Variants in ANKRD30A observed in about 807,000 individuals in gnomAD.
The protein encoded by ANKRD30A is ankyrin repeat domain 30A.
A neutral mutation model predicts 166.3 loss-of-function variants in ANKRD30A; 170 were observed. The observed-to-expected ratio is 1.02, with a 90% confidence interval of 0.90 to 1.16. The LOEUF is 1.16. ANKRD30A is among the 50% of genes most tolerant of loss of function. ANKRD30A has a pLI of 0.00. For synonymous variants in ANKRD30A, 564 were observed against 508.9 expected (o/e 1.11, Z -1.46); for missense variants, 1,630 against 1,518.0 (o/e 1.07, Z -1.23).
At chr10:37,251,448 G>T in the ANKRD30A span, among the ~76,000 whole-genome samples, 19 of 152,216 alleles carry the variant, frequency 1.2e-4, no homozygotes, top group East Asian at 2.5e-3. Flanking sequence ...CTAACACAGG[G>T]TCACCTTCAG....
At chr10:37,173,329 AC>A (rs2132626411) in intron 21 of ANKRD30A, among the ~76,000 whole-genome samples, 1 of 106,318 alleles carries the variant, frequency 9.4e-6, no homozygotes, top group Non-Finnish European at 2.0e-5. Flanking sequence ...ATAACTATGT[AC>A]CTTTCCAAAG....
intron 21 of ANKRD30A, among the ~76,000 whole-genome samples, chr10:37,171,903 C>T (rs1182328678): frequency 2.1e-5 from 3 of 144,244 alleles, no homozygotes; most frequent in Non-Finnish European, 4.6e-5. Flanking sequence ...TTCTCCACGG[C>T]TTCACATGCT....
chr10:37,133,970 T>G lies in ANKRD30A; in HGVS notation c.672T>G (p.Leu224=). 2 of 1,614,152 alleles carry G rather than the reference T, an allele frequency of 1.2e-6. No homozygotes were observed. Among genetic ancestry groups the G allele is most frequent in the Non-Finnish European group, 8.5e-7 (1 of 1,179,990 alleles). The change falls in exon 5 of 36, where the codon CTT becomes CTG. Residue 224 remains leucine, a synonymous_variant. Transcript: ENST00000361713. ...CHGSSEIVGM[L]LQQNVDVFAA... is the part of the protein sequence containing the mutation. ...GATCATCAGAGATAGTTGGCATGCT[T>G]CTTCAGCAAAATGTTGACGTCTTTG...
At chr10:37,260,334 A>G in the ANKRD30A span, among the ~76,000 whole-genome samples, 3 of 152,038 alleles carry the variant, frequency 2.0e-5, no homozygotes, top group South Asian at 6.2e-4. Flanking sequence ...TTCCCTTTTA[A>G]TAAAGTCCTG....
At chr10:37,162,537 T>G (rs1461769148) in intron 15 of ANKRD30A, 112 bp from the exon 16 acceptor site, 2 of 1,386,078 alleles carry the variant, frequency 1.4e-6, no homozygotes, top group Admixed American at 3.4e-5. Flanking sequence ...ATCTAAAGTA[T>G]TCATTCTCCA....
the ANKRD30A span, among the ~76,000 whole-genome samples, chr10:37,256,616 C>A: frequency 6.6e-6 from 1 of 152,126 alleles, no homozygotes; most frequent in Non-Finnish European, 1.5e-5. Flanking sequence ...GAATCTTATT[C>A]ATTTTAAGGC....
intron 27 of ANKRD30A, among the ~76,000 whole-genome samples, chr10:37,193,868 A>G (rs1840815065): frequency 1.3e-5 from 2 of 151,516 alleles, no homozygotes; most frequent in South Asian, 2.1e-4. Context: ...AGCCTGAATT[A>G]GTTCTTGTTG....
At chr10:37,184,155 C>A (rs1840247498) in intron 24 of ANKRD30A, among the ~76,000 whole-genome samples, 1 of 146,998 alleles carries the variant, frequency 6.8e-6, no homozygotes, top group Non-Finnish European at 1.5e-5. Context: ...ATAACAGGGT[C>A]AAGAGAATGC....
At chr10:37,149,573 A>G (rs1837756641) in intron 9 of ANKRD30A, 78 bp from the exon 10 acceptor site, 1 of 1,503,268 alleles carries the variant, frequency 6.7e-7, no homozygotes, top group African/African-American at 1.4e-5. Flanking sequence ...GGAATCAGTT[A>G]CATACTATGA....
chr10:37,231,076 T>C (rs1843390730), intron 34 of ANKRD30A, among the ~76,000 whole-genome samples: 1 of 152,112 alleles, frequency 6.6e-6, no homozygotes, highest in African/African-American at 2.4e-5. Flanking sequence ...TGAAAATATC[T>C]TTGAGGGATA....
At chr10:37,207,935 AAGTAAT>A (rs1477704438) in intron 31 of ANKRD30A, among the ~76,000 whole-genome samples, 3 of 152,162 alleles carry the variant, frequency 2.0e-5, no homozygotes, top group Non-Finnish European at 2.9e-5. Context: ...CAATTAAAGA[AAGTAAT>A]AGTAAAATAT....
chr10:37,142,498 GAACT>G (rs1451408815), intron 7 of ANKRD30A, among the ~76,000 whole-genome samples: 1 of 147,614 alleles, frequency 6.8e-6, no homozygotes, highest in Admixed American at 6.8e-5. Context: ...AATGCTAGAT[GAACT>G]AACTAACAAT....
At chr10:37,247,029 C>T in the ANKRD30A span, among the ~76,000 whole-genome samples, 1 of 152,092 alleles carries the variant, frequency 6.6e-6, no homozygotes, top group Admixed American at 6.6e-5. Flanking sequence ...CTAGAACGTT[C>T]CTCTGTCAAA....
rs41276120 is a variant in ANKRD30A at position 37,142,406 on chromosome 10, G to A, written c.1393+116G>A. The stretch of plus-strand genomic sequence containing the variant: ...TGAATATCTAAATAAGGCGAGCTTA[G>A]GCAACACTTTTTAATAGTATAGGAA... On this transcript the variant is annotated intron_variant, in intron 7 of 35. Transcript: ENST00000361713. The A allele has an allele frequency of 3.0e-3, 2,822 of 938,120 alleles. 9 individuals carry two copies. Among genetic ancestry groups the A allele is most frequent in the Non-Finnish European group, 3.9e-3 (2,461 of 633,710 alleles). 58.1% of individuals were successfully genotyped at this position (938,120 alleles called of 1,614,324 possible). A position where few individuals can be genotyped will look rare whatever the true frequency, so the allele number is the denominator to read the frequency against.
At chr10:37,138,072 A>G (rs918086462) in intron 6 of ANKRD30A, among the ~76,000 whole-genome samples, 7 of 152,146 alleles carry the variant, frequency 4.6e-5, no homozygotes, top group Admixed American at 3.9e-4. Flanking sequence ...CTGTTCACCA[A>G]TATCCGCTCT....
intron 21 of ANKRD30A, among the ~76,000 whole-genome samples, chr10:37,171,988 C>T (rs1457904028): frequency 1.4e-5 from 2 of 145,682 alleles, no homozygotes; most frequent in Non-Finnish European, 3.0e-5. Flanking sequence ...TAAAGTATAC[C>T]TAATATAGTT....
chr10:37,223,258 G>C (rs1842975660), intron 34 of ANKRD30A, among the ~76,000 whole-genome samples: 1 of 150,638 alleles, frequency 6.6e-6, no homozygotes, highest in Non-Finnish European at 1.5e-5. Flanking sequence ...AGAATATTGA[G>C]AATGAGAAAC....
At chr10:37,259,430 GA>G in the ANKRD30A span, among the ~76,000 whole-genome samples, 1 of 152,164 alleles carries the variant, frequency 6.6e-6, no homozygotes, top group East Asian at 1.9e-4. Flanking sequence ...ACAACCACTT[GA>G]AAAATTCTTA....
chr10:37,215,556 C>T (rs572298092), intron 31 of ANKRD30A, among the ~76,000 whole-genome samples: 2 of 151,360 alleles, frequency 1.3e-5, no homozygotes, highest in African/African-American at 4.8e-5. Flanking sequence ...TTTTTTCTTC[C>T]TGTGTCACGT....
Sources: allele counts gnomAD v4.1 joint callset (sites outside exome capture counted in the v4.1 genomes callset), GRCh38; gene constraint gnomAD v4.1.1; transcripts MANE v1.5; gene names NCBI Gene and HGNC (gene_info 2026-07-23, HGNC 2026-07-21).